The following WDR35 variants were observed in gnomAD, a reference collection of about 807,000 sequenced individuals.
The protein encoded by WDR35 is WD repeat-containing protein 35.
A neutral mutation model predicts 158.3 loss-of-function variants in WDR35; 118 were observed. The ratio of observed to expected loss-of-function variants is 0.75; its 90% confidence interval spans 0.64 to 0.87. The LOEUF is 0.87. Among genes scored for constraint, WDR35 ranks in the 40% least tolerant of loss-of-function variants. The pLI is 0.00. For missense variants in WDR35, 1,263 were observed against 1,405.8 expected, an observed-to-expected ratio of 0.90 and a Z score of 1.62; for synonymous variants, 448 against 476.1, an observed-to-expected ratio of 0.94 and a Z score of 0.77.
intron 10 of WDR35, among the ~76,000 whole-genome samples, chr2:19,964,749 T>G (rs1158842155): frequency 6.6e-6 from 1 of 152,124 alleles, no homozygotes; most frequent in Non-Finnish European, 1.5e-5. Context: ...TCCTTGTCCT[T>G]TTGCTTCACT....
intron 13 of WDR35, among the ~76,000 whole-genome samples, chr2:19,949,225 A>G (rs1247025545): frequency 6.6e-6 from 1 of 152,248 alleles, no homozygotes. Context: ...TACATTCAGG[A>G]AATTTCAAGT....
Position 19,910,397 on chromosome 2 carries a change from T to C in WDR35, c.*3161A>G, listed in dbSNP as rs982537097. 1 of 152,234 alleles carries C rather than the reference T, an allele frequency of 6.6e-6. No homozygotes were observed. The highest frequency in any genetic ancestry group is 1.5e-5 in the Non-Finnish European group (1 of 68,040). The allele number at this position is 152,234 out of a possible 1,614,324, so 9.4% of individuals were successfully genotyped here. On this transcript the variant is annotated 3_prime_UTR_variant, in exon 27 of 27. Coordinates refer to ENST00000281405, the MANE Select transcript of WDR35 (RefSeq NM_020779.4). ...AAAACAATTTATAATGAAATTAGCA[T>C]TTGTGAATTAAGCATGTCAACATTA...
rs971237623 is a variant in WDR35, at chr2:19,962,305, A to G, written c.1195-1691T>C. 1.8e-5 allele frequency: 29 copies of G among 1,613,072 alleles called. No individual in the cohort carries two copies. Among genetic ancestry groups the G allele is most frequent in the Non-Finnish European group, 2.5e-5 (29 of 1,179,796 alleles). On this transcript the variant is annotated intron_variant, in intron 10 of 26. Transcript: ENST00000281405. ...AATTTCATTTGTTACCGTTGCACCA[A>G]ATGTCTCCATCTCGTTCTCCTCCTT...
In WDR35 at chr2:19,936,378, G is replaced by GCATTCATT; in HGVS notation, c.2268-21_2268-14dup. 6.2e-7 allele frequency: 1 copy of GCATTCATT among 1,613,710 alleles called. No homozygotes were observed. Among genetic ancestry groups the GCATTCATT allele is most frequent in the Non-Finnish European group, 8.5e-7 (1 of 1,179,782 alleles). On this transcript the variant is annotated splice_polypyrimidine_tract_variant and intron_variant, in intron 19 of 26. Transcript: ENST00000281405. ...AATAGCAAGATCCCTACAAACAAAG[G>GCATTCATT]CATTCATTCATTCATTCATCTATTT...
chr2:19,916,028 G>C (rs544549535), intron 25 of WDR35, among the ~76,000 whole-genome samples: 1 of 151,970 alleles, frequency 6.6e-6, no homozygotes, highest in African/African-American at 2.4e-5. Context: ...GGTGATTTCC[G>C]CATTTCCAAC....
rs371556639 is a variant in WDR35, at chr2:19,946,015, G to C, written c.1635-19C>G. On this transcript the variant is annotated intron_variant, in intron 15 of 26. Coordinates refer to ENST00000281405, the MANE Select transcript of WDR35 (RefSeq NM_020779.4). ...AAGACGGCTAAAAACAATGCAATTA[G>C]AGAAAAGGAAAAAACTATAAAATTA... The C allele has an allele frequency of 6.2e-7, 1 of 1,610,432 alleles. No homozygotes were observed. The highest frequency in any genetic ancestry group is 8.5e-7 in the Non-Finnish European group (1 of 1,177,518).
chr2:19,924,929 C>T (rs1670309618), intron 25 of WDR35, among the ~76,000 whole-genome samples: 1 of 152,152 alleles, frequency 6.6e-6, no homozygotes, highest in African/African-American at 2.4e-5. Flanking sequence ...TAAAAAAGGA[C>T]ATTGGGCTAA....
At chr2:19,982,579 G>T (rs1672419064) in intron 2 of WDR35, 45 bp from the exon 3 acceptor site, 2 of 1,575,014 alleles carry the variant, frequency 1.3e-6, no homozygotes, top group African/African-American at 1.4e-5. Context: ...ATGTAAAAGT[G>T]ACATATTATA....
chr2:19,985,899 G>GAA (rs70939024), intron 2 of WDR35, among the ~76,000 whole-genome samples: 899 of 71,022 alleles, frequency 0.013, 107 homozygotes, highest in African/African-American at 0.025. Context: ...CCCATCTCGG[G>GAA]AAAAAAAAAA....
chr2:19,969,722 A>G (rs1021970709), intron 8 of WDR35, 117 bp from the exon 9 acceptor site: 1 of 1,086,992 alleles, frequency 9.2e-7, no homozygotes. Flanking sequence ...AAAAGTTACT[A>G]GTCACTTTAA....
intron 13 of WDR35, among the ~76,000 whole-genome samples, chr2:19,948,991 A>G (rs921974757): frequency 6.6e-6 from 1 of 152,108 alleles, no homozygotes; most frequent in African/African-American, 2.4e-5. Context: ...ACACACGCAC[A>G]CCTATTAGCA....
intron 25 of WDR35, among the ~76,000 whole-genome samples, chr2:19,925,088 G>A (rs1402020983): frequency 6.6e-6 from 1 of 152,226 alleles, no homozygotes; most frequent in Admixed American, 6.5e-5. Flanking sequence ...GCCACAGCCA[G>A]TAGTGCCGCA....
intron 16 of WDR35, among the ~76,000 whole-genome samples, chr2:19,942,609 C>T (rs952762000): frequency 1.4e-5 from 2 of 145,972 alleles, no homozygotes; most frequent in African/African-American, 5.1e-5. Flanking sequence ...GATAAACTCA[C>T]AAAAGTTGAT....
At chr2:19,980,268 C>G (rs1672341898) in intron 4 of WDR35, among the ~76,000 whole-genome samples, 1 of 149,498 alleles carries the variant, frequency 6.7e-6, no homozygotes, top group South Asian at 2.1e-4. Context: ...ATAAAATGAA[C>G]AAACAGTCAT....
chr2:19,914,123 C>G lies in WDR35; in HGVS notation c.3276G>C (p.Gln1092His), dbSNP rs767398329. The G allele has an allele frequency of 1.2e-6, 2 of 1,614,158 alleles. No homozygotes were observed. The highest frequency in any genetic ancestry group is 2.2e-5 in the South Asian group (2 of 91,082). Residue 1092 changes from glutamine (Q) to histidine (H), a missense_variant, in exon 26 of 27, where the codon CAG becomes CAC. By Grantham distance (24) the Gln-to-His change is conservative (BLOSUM62 0). Coordinates refer to ENST00000281405, the MANE Select transcript of WDR35 (RefSeq NM_020779.4). ...TTTCTAAAGCAAGGTCTTCATACTG[C>G]TGTTTCTGTTCTGAACTGAGGGTCT... ...SLETLSSEQK[Q>H]QYEDLALEIF...
At chr2:19,960,734 G>T in intron 10 of WDR35, 120 bp from the exon 11 acceptor site, 1 of 758,312 alleles carries the variant, frequency 1.3e-6, no homozygotes, top group Non-Finnish European at 2.2e-6. Context: ...AATAACTGAT[G>T]AAACTGTTAC....
intron 11 of WDR35, among the ~76,000 whole-genome samples, chr2:19,955,406 G>A (rs544512899): frequency 3.9e-5 from 6 of 152,232 alleles, no homozygotes; most frequent in African/African-American, 1.4e-4. Context: ...CCATTTCTTA[G>A]AGAACATTTA....
intron 8 of WDR35, among the ~76,000 whole-genome samples, chr2:19,971,960 G>A (rs113056338): frequency 5.1e-4 from 77 of 152,204 alleles, no homozygotes; most frequent in Non-Finnish European, 9.9e-4. Flanking sequence ...GTGTCTCAGA[G>A]GCTAAATAAC....
intron 25 of WDR35, among the ~76,000 whole-genome samples, chr2:19,914,585 T>A (rs1669938600): frequency 6.6e-6 from 1 of 152,150 alleles, no homozygotes; most frequent in African/African-American, 2.4e-5. Flanking sequence ...TTTCTTCAAT[T>A]TATGTTAGAA....
Sources: allele counts gnomAD v4.1 joint callset (sites outside exome capture counted in the v4.1 genomes callset), GRCh38; gene constraint gnomAD v4.1.1; transcripts MANE v1.5; gene names NCBI Gene and HGNC (gene_info 2026-07-23, HGNC 2026-07-21).